Variants in CWH43 observed in about 807,000 individuals in gnomAD.
CWH43 encodes PGAP2-interacting protein.
Under a neutral mutation model 85.7 loss-of-function variants are expected in CWH43, and 91 were observed. The observed-to-expected ratio is 1.06, with a 90% CI of 0.90 to 1.26. The LOEUF (loss-of-function observed/expected upper bound fraction) is 1.26, where lower values mean the gene tolerates loss of function less well. Among genes scored for constraint, CWH43 ranks in the 50% most tolerant of loss-of-function variants. CWH43 has a pLI of 0.00. For synonymous variants in CWH43, 323 were observed against 293.6 expected (o/e 1.10, Z -1.02); for missense variants, 869 against 839.2 (o/e 1.04, Z -0.44).
intron 11 of CWH43, among the ~76,000 whole-genome samples, chr4:49,031,862 G>T (rs1784110013): frequency 6.6e-6 from 1 of 152,212 alleles, no homozygotes; most frequent in African/African-American, 2.4e-5. Flanking sequence ...CCCGCTAAGA[G>T]ATGATACCCT....
At chr4:49,014,073 T>C (rs908868335) in intron 8 of CWH43, among the ~76,000 whole-genome samples, 1 of 152,350 alleles carries the variant, frequency 6.6e-6, no homozygotes, top group Non-Finnish European at 1.5e-5. Flanking sequence ...TAAGAAGCTG[T>C]ATAAGTTCTC....
At chr4:49,051,613 G>A (rs1303878756) in intron 15 of CWH43, among the ~76,000 whole-genome samples, 1 of 152,114 alleles carries the variant, frequency 6.6e-6, no homozygotes, top group Non-Finnish European at 1.5e-5. Context: ...GTCTTGCTCT[G>A]TCACCCAGGC....
intron 3 of CWH43, 86 bp from the exon 4 acceptor site, chr4:48,991,850 A>T (rs1782670008): frequency 8.5e-7 from 1 of 1,181,682 alleles, no homozygotes; most frequent in Non-Finnish European, 1.2e-6. Flanking sequence ...TATTTCAGCT[A>T]CTTATTCTAT....
At chr4:48,998,320 G>A in intron 5 of CWH43, 140 bp from the exon 6 acceptor site, 1 of 616,064 alleles carries the variant, frequency 1.6e-6, no homozygotes, top group Non-Finnish European at 2.9e-6. Flanking sequence ...GCTTCCAGTG[G>A]GCTCTCATGA....
At chr4:49,006,820 TC>T (rs1463272843) in intron 7 of CWH43, among the ~76,000 whole-genome samples, 1 of 152,158 alleles carries the variant, frequency 6.6e-6, no homozygotes, top group Non-Finnish European at 1.5e-5. Flanking sequence ...TCCATTGTGA[TC>T]CTCAACCTGG....
chr4:48,994,613 T>C lies in CWH43; in HGVS notation c.512-6T>C, dbSNP rs201613779. On this transcript the variant is annotated splice_region_variant and splice_polypyrimidine_tract_variant and intron_variant, in intron 4 of 15. Coordinates refer to ENST00000226432, the MANE Select transcript of CWH43 (RefSeq NM_025087.3). ...CTTTTTCCATATATGTATTTTTAAA[T>C]TCTAGATGGTGACTGCAGTAAACCT... The C allele has an allele frequency of 8.2e-5, 132 of 1,607,516 alleles. No homozygotes were observed. The highest frequency in any genetic ancestry group is 1.1e-4 in the Non-Finnish European group (125 of 1,177,824).
intron 15 of CWH43, among the ~76,000 whole-genome samples, chr4:49,052,543 T>A (rs1209346934): frequency 6.6e-6 from 1 of 152,200 alleles, no homozygotes; most frequent in Non-Finnish European, 1.5e-5. Context: ...AGATGGTTTC[T>A]TAAATGGAAG....
chr4:49,045,499 G>T (rs1314990056), intron 14 of CWH43, among the ~76,000 whole-genome samples: 2 of 151,958 alleles, frequency 1.3e-5, no homozygotes, highest in Non-Finnish European at 2.9e-5. Flanking sequence ...TACTTTTATT[G>T]TACCTTTTCT....
intron 7 of CWH43, among the ~76,000 whole-genome samples, chr4:49,006,689 C>G (rs1330730528): frequency 2.0e-5 from 3 of 152,184 alleles, no homozygotes; most frequent in Admixed American, 2.0e-4. Context: ...ACTTTATTGG[C>G]TGGCCTGTTG....
intron 14 of CWH43, among the ~76,000 whole-genome samples, chr4:49,047,954 C>G (rs1332051712): frequency 6.6e-6 from 1 of 152,158 alleles, no homozygotes; most frequent in Non-Finnish European, 1.5e-5. Context: ...AGCTGTGGAA[C>G]AGATAGCTTG....
chr4:49,031,218 T>G (rs1461064390), intron 11 of CWH43: 1 of 363,786 alleles, frequency 2.7e-6, no homozygotes, highest in Non-Finnish European at 4.9e-6. Flanking sequence ...ATGTCTGGCC[T>G]GGATGCTGTC....
intron 13 of CWH43, among the ~76,000 whole-genome samples, chr4:49,043,760 T>C (rs1784539360): frequency 1.3e-5 from 2 of 152,088 alleles, no homozygotes; most frequent in African/African-American, 4.8e-5. Context: ...TATTTAATTA[T>C]TCCCAATACT....
chr4:49,060,124 G>T (rs1785101027), intron 15 of CWH43, among the ~76,000 whole-genome samples: 1 of 152,036 alleles, frequency 6.6e-6, no homozygotes, highest in African/African-American at 2.4e-5. Context: ...TCTAGAACCT[G>T]GAACTGGCAA....
intron 9 of CWH43, among the ~76,000 whole-genome samples, chr4:49,021,539 T>G (rs1577680776): frequency 6.6e-6 from 1 of 152,134 alleles, no homozygotes; most frequent in Non-Finnish European, 1.5e-5. Context: ...TGCAGACTCT[T>G]TTTTTGTTCC....
At chr4:49,036,144 C>T (rs957178520) in intron 12 of CWH43, among the ~76,000 whole-genome samples, 1 of 151,976 alleles carries the variant, frequency 6.6e-6, no homozygotes, top group African/African-American at 2.4e-5. Flanking sequence ...CAGCTACTGC[C>T]AGAGGGACTG....
intron 2 of CWH43, among the ~76,000 whole-genome samples, chr4:48,990,649 C>T (rs538217333): frequency 6.6e-6 from 1 of 152,238 alleles, no homozygotes; most frequent in East Asian, 1.9e-4. Context: ...TAAGTGTTGA[C>T]AAGGATGTGG....
intron 1 of CWH43, among the ~76,000 whole-genome samples, chr4:48,987,990 A>G (rs986675219): frequency 2.6e-5 from 4 of 152,170 alleles, no homozygotes; most frequent in Non-Finnish European, 5.9e-5. Flanking sequence ...TGCCAAATTC[A>G]ACTCAGATGG....
intron 12 of CWH43, among the ~76,000 whole-genome samples, chr4:49,037,725 A>T (rs1472936340): frequency 6.6e-6 from 1 of 152,196 alleles, no homozygotes; most frequent in Non-Finnish European, 1.5e-5. Flanking sequence ...GTGAGTTATC[A>T]CGTTAGTGAT....
At chr4:49,044,877 A>G (rs770475425) in intron 14 of CWH43, 30 bp downstream of exon 14, 1 of 1,573,356 alleles carries the variant, frequency 6.4e-7, no homozygotes, top group Non-Finnish European at 8.7e-7. Context: ...TTTGTTTTTA[A>G]TCTATTATTA....
Sources: allele counts gnomAD v4.1 joint callset (sites outside exome capture counted in the v4.1 genomes callset), GRCh38; gene constraint gnomAD v4.1.1; transcripts MANE v1.5; gene names NCBI Gene and HGNC (gene_info 2026-07-23, HGNC 2026-07-21).